The following TC2N variants were observed in gnomAD, a reference collection of about 807,000 sequenced individuals.
TC2N encodes tandem C2 domains nuclear protein.
In TC2N, 51 loss-of-function variants were observed where a neutral mutation model predicts 61.9. That is an observed-to-expected ratio of 0.82 (90% confidence interval 0.66 to 1.04). The LOEUF is 1.04. Ranked by LOEUF, TC2N falls within the 50% of genes least tolerant of loss-of-function variation. The pLI is 0.00. For synonymous variants in TC2N, 204 were observed against 192.6 expected (o/e 1.06, Z -0.49); for missense variants, 556 against 566.7 (o/e 0.98, Z 0.19).
intron 1 of TC2N, among the ~76,000 whole-genome samples, chr14:91,849,062 C>T (rs1352978262): frequency 6.6e-6 from 1 of 152,184 alleles, no homozygotes; most frequent in Non-Finnish European, 1.5e-5. Flanking sequence ...GTTCAGCAAA[C>T]ATTTAATTTC....
intron 1 of TC2N, among the ~76,000 whole-genome samples, chr14:91,863,638 G>A (rs988283286): frequency 3.3e-5 from 5 of 152,062 alleles, no homozygotes; most frequent in African/African-American, 1.2e-4. Context: ...AAAAGAATGT[G>A]GGGTCTGGCC....
In TC2N at chr14:91,805,791, G is replaced by A. The variant is rs118072973; in HGVS notation, c.302-3370C>T. On this transcript the variant is annotated intron_variant, in intron 3 of 11. Coordinates refer to ENST00000435962, the MANE Select transcript of TC2N (RefSeq NM_001128596.3). The stretch of plus-strand genomic sequence containing the variant: ...TACAGCATTTATAAAATCCACAGTA[G>A]TATACAGTAATGTCCTAGTTTTCAC... 9.7e-3 allele frequency among the ~76,000 whole-genome samples: 1,478 copies of A among 152,262 alleles called. 11 individuals are homozygous for A. The highest frequency in any genetic ancestry group is 0.014 in the Non-Finnish European group (933 of 68,028).
intron 1 of TC2N, among the ~76,000 whole-genome samples, chr14:91,843,546 A>T (rs932941869): frequency 1.3e-5 from 2 of 152,248 alleles, no homozygotes; most frequent in African/African-American, 4.8e-5. Context: ...TTACTGCTGA[A>T]TATTAGTGAT....
At chr14:91,801,143 C>A (rs560377549) in intron 4 of TC2N, among the ~76,000 whole-genome samples, 55 of 151,366 alleles carry the variant, frequency 3.6e-4, no homozygotes, top group African/African-American at 1.2e-3. Context: ...ACATGATAGA[C>A]TATAATTCAC....
intron 1 of TC2N, among the ~76,000 whole-genome samples, chr14:91,820,311 T>G (rs1452044971): frequency 6.6e-6 from 1 of 152,098 alleles, no homozygotes; most frequent in African/African-American, 2.4e-5. Context: ...ATTGCAAGAT[T>G]AGTTTAACAT....
chr14:91,796,813 G>GT (rs1885919253), intron 8 of TC2N, among the ~76,000 whole-genome samples: 1 of 152,102 alleles, frequency 6.6e-6, no homozygotes, highest in Non-Finnish European at 1.5e-5. Flanking sequence ...TTCTGTTGCT[G>GT]TAAGTCACCC....
intron 1 of TC2N, among the ~76,000 whole-genome samples, chr14:91,836,853 A>C: frequency 6.6e-6 from 1 of 151,994 alleles, no homozygotes; most frequent in South Asian, 2.1e-4. Flanking sequence ...GCCTGAGGAA[A>C]CTTCTCTGAC....
chr14:91,864,026 G>GTCAGAATTCAGTCC (rs546132285), intron 1 of TC2N, among the ~76,000 whole-genome samples: 1 of 151,910 alleles, frequency 6.6e-6, no homozygotes, highest in Non-Finnish European at 1.5e-5. Flanking sequence ...AAGAACAGAG[G>GTCAGAATTCAGTCC]TCAGAATTCA....
At chr14:91,783,617 T>C (rs923245407) in intron 11 of TC2N, among the ~76,000 whole-genome samples, 1 of 152,132 alleles carries the variant, frequency 6.6e-6, no homozygotes, top group African/African-American at 2.4e-5. Flanking sequence ...GTAAGGAATG[T>C]GCATTTTAAA....
rs140438453 is a variant in TC2N at position 91,845,077 on chromosome 14, A to G, written c.-57+22185T>C. Among the ~76,000 whole-genome samples, 218 of 151,814 alleles carry G rather than the reference A, an allele frequency of 1.4e-3. 1 individual carries two copies. The highest frequency in any genetic ancestry group is 2.3e-3 in the Non-Finnish European group (153 of 67,942). On this transcript the variant is annotated intron_variant, in intron 1 of 11. Coordinates refer to ENST00000435962, the MANE Select transcript of TC2N (RefSeq NM_001128596.3). ...CATGGCGAAACCCCGTCTCCACAAA[A>G]ATTAGCCGGGTGACGTGGCGCACAC...
chr14:91,832,387 T>A (rs1746509329), intron 1 of TC2N, among the ~76,000 whole-genome samples: 2 of 22,438 alleles, frequency 8.9e-5, no homozygotes, highest in Non-Finnish European at 1.1e-4. Flanking sequence ...CAAAACTCCG[T>A]CTCAAAAAAA....
chr14:91,850,903 C>T (rs1386346750), intron 1 of TC2N, among the ~76,000 whole-genome samples: 2 of 152,098 alleles, frequency 1.3e-5, no homozygotes, highest in East Asian at 3.9e-4. Flanking sequence ...TGCACTCCAG[C>T]CTGGGTGACA....
intron 8 of TC2N, 139 bp downstream of exon 8, chr14:91,797,646 C>T: frequency 1.7e-6 from 1 of 595,766 alleles, no homozygotes. Context: ...TCAAAGTTGC[C>T]TTGAAAAAGC....
At chr14:91,800,963 CAT>C (rs965132442) in intron 4 of TC2N, among the ~76,000 whole-genome samples, 16 of 151,322 alleles carry the variant, frequency 1.1e-4, no homozygotes, top group South Asian at 4.2e-4. Context: ...TACACACACA[CAT>C]ATGTATACAT....
intron 2 of TC2N, 94 bp downstream of exon 2, chr14:91,813,609 G>T: frequency 1.2e-6 from 1 of 831,500 alleles, no homozygotes; most frequent in South Asian, 1.5e-5. Flanking sequence ...CCTCCCCTAA[G>T]AAGTTGGAAA....
chr14:91,799,212 GGAA>G, intron 5 of TC2N, 148 bp from the exon 6 acceptor site: 3 of 398,304 alleles, frequency 7.5e-6, no homozygotes, highest in Admixed American at 4.5e-5. Flanking sequence ...TACAGGTAGT[GGAA>G]AAAAAAAAAA....
intron 3 of TC2N, among the ~76,000 whole-genome samples, chr14:91,810,379 G>A (rs1886710919): frequency 6.6e-6 from 1 of 152,084 alleles, no homozygotes; most frequent in African/African-American, 2.4e-5. Flanking sequence ...GGAAGGGAGG[G>A]ATGAAAGAAG....
At chr14:91,824,122 AC>A (rs1189538760) in intron 1 of TC2N, among the ~76,000 whole-genome samples, 27 of 152,196 alleles carry the variant, frequency 1.8e-4, no homozygotes, top group African/African-American at 4.8e-4. Flanking sequence ...TTTAGCTAGA[AC>A]ATTCTAGTAT....
chr14:91,865,369 G>GTTT (rs34451913), intron 1 of TC2N, among the ~76,000 whole-genome samples: 5 of 128,408 alleles, frequency 3.9e-5, no homozygotes, highest in Admixed American at 2.4e-4. Flanking sequence ...GAGCCTCTTG[G>GTTT]TTTTTTTTTT....
Sources: allele counts gnomAD v4.1 joint callset (sites outside exome capture counted in the v4.1 genomes callset), GRCh38; gene constraint gnomAD v4.1.1; transcripts MANE v1.5; gene names NCBI Gene and HGNC (gene_info 2026-07-23, HGNC 2026-07-21).